EPHA2: variants seen among roughly 807,000 people sequenced by gnomAD.
EPHA2 encodes the protein EPH receptor A2.
EPHA2 carries 54 observed loss-of-function variants against 104.9 expected under a neutral mutation model. The ratio of observed to expected loss-of-function variants is 0.51; its 90% CI spans 0.41 to 0.65. The LOEUF (loss-of-function observed/expected upper bound fraction) is 0.65, where lower values mean the gene tolerates loss of function less well. Ranked by LOEUF, EPHA2 falls within the 30% of genes least tolerant of loss-of-function variation. EPHA2 has a pLI of 0.00. For missense variants in EPHA2, 1,117 were observed against 1,369.5 expected (o/e 0.82, Z 2.91); for synonymous variants, 560 against 559.1 (o/e 1.00, Z -0.02).
chr1:16,139,494 T>G (rs1403021521), intron 3 of EPHA2, among the ~76,000 whole-genome samples: 1 of 152,078 alleles, frequency 6.6e-6, no homozygotes, highest in Non-Finnish European at 1.5e-5. Flanking sequence ...TGCACCAAGA[T>G]GAAAACAAAC....
chr1:16,128,991 CGACT>C lies in EPHA2; in HGVS notation c.2825+439_2825+442del, dbSNP rs1242665757. On this transcript the variant is annotated intron_variant, in intron 16 of 16. Coordinates refer to ENST00000358432, the MANE Select transcript of EPHA2 (RefSeq NM_004431.5). This position sits in a 1 kb window ranked among gnomAD's most constrained non-coding sequence, Gnocchi z 4.7. ...CTCCGATCCCTGCGCTCTGGGATCCCGACTGACTGGGCCTGGAATCCTGCTCTCC... is the reference window on the plus strand; with the variant it reads ...CTCCGATCCCTGCGCTCTGGGATCCCGACTGGGCCTGGAATCCTGCTCTCC... Among the ~76,000 whole-genome samples the C allele has an allele frequency of 6.6e-6, 1 of 151,732 alleles. No homozygotes were observed. The highest frequency in any genetic ancestry group is 2.4e-5 in the African/African-American group (1 of 41,296).
chr1:16,135,703 CG>C lies in EPHA2; in HGVS notation c.1379del (p.Pro460ArgfsTer33). On this transcript the variant is annotated frameshift_variant, in exon 6 of 17. Transcript: ENST00000358432. LOFTEE classifies it high-confidence loss of function. The surrounding 1 kb of genome is among the most constrained non-coding windows in gnomAD (Gnocchi z 4.3). ...ACTTCCACACTCGGCTCTGCTGCGG[CG>C]GGGGGATGCTCCAGGAGACGCTAAG... is the stretch of plus-strand genomic sequence containing the variant. ...TSLSVSWSIP[P>X]PQQSRVWKYE... is the part of the protein sequence containing the mutation. The C allele has an allele frequency of 1.9e-6, 3 of 1,613,632 alleles. No individual in the cohort carries two copies. Among genetic ancestry groups the C allele is most frequent in the Non-Finnish European group, 2.5e-6 (3 of 1,179,954 alleles).
chr1:16,138,118 C>G lies in EPHA2; in HGVS notation c.1047G>C (p.Thr349=), dbSNP rs374990703. 1.2e-6 allele frequency: 2 copies of G among 1,609,102 alleles called. No homozygotes were observed. Among genetic ancestry groups the G allele is most frequent in the Non-Finnish European group, 1.7e-6 (2 of 1,179,666 alleles). ...GMGAKVELRW[T]PPQDSGGRED... ...CGCGGCCCCCGCTGTCCTGAGGGGG[C>G]GTCCAGCGCAGCTCCACCTTGGCAC... Residue 349 remains threonine, a synonymous_variant, in exon 5 of 17, where the codon ACG becomes ACC. Coordinates refer to ENST00000358432, the MANE Select transcript of EPHA2 (RefSeq NM_004431.5).
At position 16,124,996 on chromosome 1, in the gene EPHA2, C is replaced by A; in HGVS notation, c.*219G>T. ...GTGGCGGTGCCTGCTAAGTGCTCAG[C>A]TGTGTGCGTCTCGCAGGGAAAGAGG... On this transcript the variant is annotated 3_prime_UTR_variant, in exon 17 of 17. Coordinates refer to ENST00000358432, the MANE Select transcript of EPHA2 (RefSeq NM_004431.5). 1 of 593,156 alleles carries A rather than the reference C, an allele frequency of 1.7e-6. No individual in the cohort carries two copies. The highest frequency in any genetic ancestry group is 3.1e-6 in the Non-Finnish European group (1 of 326,336). The allele number at this position is 593,156 out of a possible 1,614,324, so 36.7% of individuals were successfully genotyped here.
chr1:16,154,629 C>T (rs1421130750), intron 1 of EPHA2, among the ~76,000 whole-genome samples: 3 of 151,786 alleles, frequency 2.0e-5, no homozygotes, highest in Non-Finnish European at 2.9e-5. Flanking sequence ...GTGGCGGGCA[C>T]CTGTAATCCC....
At chr1:16,143,816 A>C (rs2024875016) in intron 3 of EPHA2, among the ~76,000 whole-genome samples, 1 of 152,184 alleles carries the variant, frequency 6.6e-6, no homozygotes, top group Admixed American at 6.5e-5. Context: ...GGGCCCTGAC[A>C]GACGGCAAAT....
In EPHA2 at chr1:16,135,610, T is replaced by C. The variant is rs1346802151; in HGVS notation, c.1428+45A>G. 14 of 1,563,554 alleles carry C rather than the reference T, an allele frequency of 9.0e-6. 1 individual carries two copies. In the South Asian group the frequency reaches 1.6e-4, roughly 17 times the overall value. On this transcript the variant is annotated intron_variant, in intron 6 of 16. Coordinates refer to ENST00000358432, the MANE Select transcript of EPHA2 (RefSeq NM_004431.5). This position sits in a 1 kb window ranked among gnomAD's most constrained non-coding sequence, Gnocchi z 4.3. Reference sequence around the variant, plus strand: ...TCATCTATGTGACCAGCCTGTCCCCTGCTGTCGGCCCAGCTAGAGCCAGCC... The same window carrying C: ...TCATCTATGTGACCAGCCTGTCCCCCGCTGTCGGCCCAGCTAGAGCCAGCC...
chr1:16,144,360 C>T (rs566204737), intron 3 of EPHA2, among the ~76,000 whole-genome samples: 6 of 152,234 alleles, frequency 3.9e-5, no homozygotes, highest in Non-Finnish European at 7.4e-5. Context: ...ACAAAGCCTG[C>T]GAGCCACAGC....
At position 16,135,440 on chromosome 1, in the gene EPHA2, A is replaced by C. The variant is rs1023495428; in HGVS notation, c.1428+215T>G. ...AAATTCTGCCCCTGTCCTCACCCTGACTGCCTCTTCCAAGGACGCCATGTC... is the reference window on the plus strand; with the variant it reads ...AAATTCTGCCCCTGTCCTCACCCTGCCTGCCTCTTCCAAGGACGCCATGTC... On this transcript the variant is annotated intron_variant, in intron 6 of 16. Coordinates refer to ENST00000358432, the MANE Select transcript of EPHA2 (RefSeq NM_004431.5). The surrounding 1 kb of genome is among the most constrained non-coding windows in gnomAD (Gnocchi z 4.3). 2.9e-6 allele frequency: 2 copies of C among 696,542 alleles called. No homozygotes were observed. Among genetic ancestry groups the C allele is most frequent in the African/African-American group, 1.8e-5 (1 of 57,052 alleles). 43.1% of individuals were successfully genotyped at this position (696,542 alleles called of 1,614,324 possible).
rs1557508642 is a variant in EPHA2 at position 16,138,085 on chromosome 1, A to G, written c.1080T>C (p.Ile360=). 2 of 1,611,490 alleles carry G rather than the reference A, an allele frequency of 1.2e-6. No homozygotes were observed. The highest frequency in any genetic ancestry group is 1.1e-5 in the South Asian group (1 of 91,072). The part of the protein sequence containing the change: ...PPQDSGGRED[I]VYSVTCEQCW... Reference sequence around the variant, plus strand: ...ACTGTTCGCAGGTGACGCTGTAGACAATGTCCTCGCGGCCCCCGCTGTCCT... The same window carrying G: ...ACTGTTCGCAGGTGACGCTGTAGACGATGTCCTCGCGGCCCCCGCTGTCCT... Residue 360 remains isoleucine (I), a synonymous_variant, in exon 5 of 17, where the codon ATT becomes ATC. Transcript: ENST00000358432.
In EPHA2 at chr1:16,134,545, C is replaced by T. The variant is rs144240138; in HGVS notation, c.1605G>A (p.Leu535=). ...QTLSPEGSGN[L]AVIGGVAVGV... ...CGACAGCCACGCCGCCAATCACCGCCAAGTTGCCAGATCCCTCCGGGGCTG... is the reference window on the plus strand; with the variant it reads ...CGACAGCCACGCCGCCAATCACCGCTAAGTTGCCAGATCCCTCCGGGGCTG... The change falls in exon 8 of 17, where the codon TTG becomes TTA. Residue 535 remains leucine (L), a synonymous_variant. Coordinates refer to ENST00000358432, the MANE Select transcript of EPHA2 (RefSeq NM_004431.5). The surrounding 1 kb of genome is among the most constrained non-coding windows in gnomAD (Gnocchi z 4.5). 1.2e-6 allele frequency: 2 copies of T among 1,614,034 alleles called. No individual in the cohort carries two copies. The highest frequency in any genetic ancestry group is 2.7e-5 in the African/African-American group (2 of 74,914).
Position 16,134,698 on chromosome 1 carries a change from T to A in EPHA2, c.1583-131A>T. 1 of 985,690 alleles carries A rather than the reference T, an allele frequency of 1.0e-6. No individual in the cohort carries two copies. Among genetic ancestry groups the A allele is most frequent in the South Asian group, 1.4e-5 (1 of 72,618 alleles). 61.1% of individuals were successfully genotyped at this position (985,690 alleles called of 1,614,324 possible). ...CACTTGGGAAGGCTCCAGAGGGTAC[T>A]TAGTCCCATTTCATAGACGGTCAAG... On this transcript the variant is annotated intron_variant, in intron 7 of 16. Coordinates refer to ENST00000358432, the MANE Select transcript of EPHA2 (RefSeq NM_004431.5). This position sits in a 1 kb window ranked among gnomAD's most constrained non-coding sequence, Gnocchi z 4.5.
At position 16,135,743 on chromosome 1, in the gene EPHA2, C is replaced by T. The variant is rs144716232; in HGVS notation, c.1340G>A (p.Arg447His). 3.2e-5 allele frequency: 51 copies of T among 1,613,152 alleles called. No individual in the cohort carries two copies. In the African/African-American group the frequency reaches 4.3e-4, roughly 13 times the overall value. Residue 447 changes from arginine (R) to histidine (H), a missense_variant, in exon 6 of 17, where the codon CGC (arginine) becomes CAC (histidine). By Grantham distance (29) the Arg-to-His change is conservative. Coordinates refer to ENST00000358432, the MANE Select transcript of EPHA2 (RefSeq NM_004431.5). This position sits in a 1 kb window ranked among gnomAD's most constrained non-coding sequence, Gnocchi z 4.3. ...GGAGACGCTAAGCGAGGTGGTGCTGCGGCCCTCCAGCCTCACCTTGGGGGG... is the reference window on the plus strand; with the variant it reads ...GGAGACGCTAAGCGAGGTGGTGCTGTGGCCCTCCAGCCTCACCTTGGGGGG... ...TEPPKVRLEGRSTTSLSVSWS... is the reference protein window; with the variant it reads ...TEPPKVRLEGHSTTSLSVSWS...
Position 16,135,253 on chromosome 1 carries a change from C to A in EPHA2, c.1429-64G>T. 2 of 1,604,244 alleles carry A rather than the reference C, an allele frequency of 1.2e-6. No homozygotes were observed. Among genetic ancestry groups the A allele is most frequent in the South Asian group, 1.1e-5 (1 of 90,682 alleles). Reference sequence around the variant, plus strand: ...GCAGGGCAGGGGCCTCGGCTCAGCCCGCTGGAGACCACCCCAAGCTAGCAA... The same window carrying A: ...GCAGGGCAGGGGCCTCGGCTCAGCCAGCTGGAGACCACCCCAAGCTAGCAA... On this transcript the variant is annotated intron_variant, in intron 6 of 16. Transcript: ENST00000358432. This position sits in a 1 kb window ranked among gnomAD's most constrained non-coding sequence, Gnocchi z 4.3.
At chr1:16,126,404 T>C (rs1233957514) in intron 16 of EPHA2, among the ~76,000 whole-genome samples, 3 of 152,224 alleles carry the variant, frequency 2.0e-5, no homozygotes, top group African/African-American at 7.2e-5. Context: ...CTAGTTGCAG[T>C]TCTGCAGACA....
In EPHA2 at chr1:16,131,953, T is replaced by C; in HGVS notation, c.2326-83A>G. On this transcript the variant is annotated intron_variant, in intron 13 of 16. Transcript: ENST00000358432. This position sits in a 1 kb window ranked among gnomAD's most constrained non-coding sequence, Gnocchi z 5.2. ...GCAGCCAAGCCCCACGACCCCTCCC[T>C]GGACTCCTACAGGTGTTCTGCCTCC... The C allele has an allele frequency of 6.2e-7, 1 of 1,600,536 alleles. No homozygotes were observed. The highest frequency in any genetic ancestry group is 8.5e-7 in the Non-Finnish European group (1 of 1,172,712).
At position 16,148,466 on chromosome 1, in the gene EPHA2, C is replaced by T. The variant is rs2124260624; in HGVS notation, c.735G>A (p.Met245Ile). 2 of 1,613,912 alleles carry T rather than the reference C, an allele frequency of 1.2e-6. No homozygotes were observed. Among genetic ancestry groups the T allele is most frequent in the South Asian group, 1.1e-5 (1 of 91,092 alleles). ...GCCACTCGCCATCCACTGCACAGTGCATACGGGGCTCTTCACCCCCCGGTG... is the reference window on the plus strand; with the variant it reads ...GCCACTCGCCATCCACTGCACAGTGTATACGGGGCTCTTCACCCCCCGGTG... ...VVPPGGEEPR[M>I]HCAVDGEWLV... Residue 245 changes from methionine to isoleucine, a missense_variant, in exon 3 of 17, where the codon ATG becomes ATA. Transcript: ENST00000358432. This position sits in a 1 kb window ranked among gnomAD's most constrained non-coding sequence, Gnocchi z 4.9.
intron 5 of EPHA2, among the ~76,000 whole-genome samples, chr1:16,136,412 G>C (rs2024685200): frequency 6.6e-6 from 1 of 151,262 alleles, no homozygotes; most frequent in Non-Finnish European, 1.5e-5. Context: ...CTGAGGTTGG[G>C]AGTTCGAGAC....
At chr1:16,154,947 C>T (rs1161456135) in intron 1 of EPHA2, among the ~76,000 whole-genome samples, 1 of 152,032 alleles carries the variant, frequency 6.6e-6, no homozygotes, top group Admixed American at 6.6e-5. Flanking sequence ...GCAGGAGCCC[C>T]CATCCTCGCC....
Sources: allele counts gnomAD v4.1 joint callset (sites outside exome capture counted in the v4.1 genomes callset), GRCh38; gene constraint gnomAD v4.1.1; non-coding constraint Gnocchi (gnomAD v3.1); transcripts MANE v1.5; gene names NCBI Gene and HGNC (gene_info 2026-07-23, HGNC 2026-07-21).